The following SPAG16 variants were observed in gnomAD, a reference collection of about 807,000 sequenced individuals.
The protein encoded by SPAG16 is sperm associated antigen 16.
SPAG16 carries 86 observed loss-of-function variants against 80.4 expected under a neutral mutation model. That is an observed-to-expected ratio of 1.07 (90% CI 0.90 to 1.28). SPAG16 has a LOEUF of 1.28. SPAG16 is among the 50% of genes most tolerant of loss of function. The pLI, the probability that SPAG16 is intolerant of heterozygous loss-of-function variation, is 0.00. For missense variants in SPAG16, 870 were observed against 765.3 expected, an observed-to-expected ratio of 1.14 and a Z score of -1.61; for synonymous variants, 294 against 265.9, an observed-to-expected ratio of 1.11 and a Z score of -1.03.
At chr2:214,358,456 T>G (rs979420313) in intron 15 of SPAG16, among the ~76,000 whole-genome samples, 1 of 151,966 alleles carries the variant, frequency 6.6e-6, no homozygotes, top group Non-Finnish European at 1.5e-5. Flanking sequence ...TTAATGAATT[T>G]TAAAAGATTT....
At chr2:214,265,715 A>G (rs957974753) in intron 15 of SPAG16, among the ~76,000 whole-genome samples, 17 of 151,880 alleles carry the variant, frequency 1.1e-4, no homozygotes, top group African/African-American at 4.1e-4. Flanking sequence ...TATGTTCTAG[A>G]AGTTTTATAG....
chr2:213,329,645 G>T (rs1377795636), intron 5 of SPAG16, among the ~76,000 whole-genome samples: 1 of 152,154 alleles, frequency 6.6e-6, no homozygotes, highest in Admixed American at 6.5e-5. Context: ...TGATGATGTG[G>T]TAGAGAAGGA....
intron 15 of SPAG16, among the ~76,000 whole-genome samples, chr2:214,305,499 G>A (rs1694849668): frequency 1.3e-5 from 2 of 152,124 alleles, no homozygotes; most frequent in Admixed American, 6.5e-5. Context: ...GGATTTTATA[G>A]TTTTGGGTTT....
chr2:213,962,319 A>C (rs533994183), intron 12 of SPAG16, among the ~76,000 whole-genome samples: 15 of 135,906 alleles, frequency 1.1e-4, no homozygotes, highest in African/African-American at 3.5e-4. Context: ...CAGCCTCCTG[A>C]GTAGCTGGGA....
At chr2:213,549,955 T>C (rs1174619543) in intron 10 of SPAG16, among the ~76,000 whole-genome samples, 1 of 152,102 alleles carries the variant, frequency 6.6e-6, no homozygotes, top group African/African-American at 2.4e-5. Context: ...TTTTTTGTAA[T>C]AATTTAATTA....
intron 10 of SPAG16, among the ~76,000 whole-genome samples, chr2:213,842,513 A>T (rs1188044383): frequency 1.3e-5 from 2 of 152,108 alleles, no homozygotes; most frequent in East Asian, 1.9e-4. Flanking sequence ...TAAGAAGTGA[A>T]TTTTTTTAAA....
chr2:213,289,400 C>T (rs1308095856), intron 1 of SPAG16, among the ~76,000 whole-genome samples: 1 of 152,158 alleles, frequency 6.6e-6, no homozygotes, highest in Non-Finnish European at 1.5e-5. Context: ...CTATGTAGGA[C>T]AGGGGTGGCC....
chr2:213,373,894 A>G (rs1327732219), intron 8 of SPAG16, among the ~76,000 whole-genome samples: 1 of 152,154 alleles, frequency 6.6e-6, no homozygotes, highest in Non-Finnish European at 1.5e-5. Flanking sequence ...TCAGGTTGAC[A>G]CCCCTGGAAT....
intron 10 of SPAG16, among the ~76,000 whole-genome samples, chr2:213,692,987 T>C (rs2065009178): frequency 6.6e-6 from 1 of 152,180 alleles, no homozygotes; most frequent in South Asian, 2.1e-4. Flanking sequence ...TTCAGATAGA[T>C]TTCTTTTTGA....
intron 9 of SPAG16, among the ~76,000 whole-genome samples, chr2:213,476,150 T>A (rs1469786456): frequency 6.6e-6 from 1 of 152,184 alleles, no homozygotes; most frequent in Non-Finnish European, 1.5e-5. Flanking sequence ...TCTTTTTGGC[T>A]TGCAAAAACA....
At chr2:213,926,352 A>T (rs531148532) in intron 11 of SPAG16, among the ~76,000 whole-genome samples, 1 of 152,186 alleles carries the variant, frequency 6.6e-6, no homozygotes, top group African/African-American at 2.4e-5. Flanking sequence ...AGCAGTATGC[A>T]CTTTACCCAA....
chr2:213,301,655 GC>G (rs2062744661), intron 3 of SPAG16, among the ~76,000 whole-genome samples: 2 of 152,020 alleles, frequency 1.3e-5, no homozygotes, highest in Non-Finnish European at 2.9e-5. Flanking sequence ...CTGGTACTAT[GC>G]TTCCTTCTAT....
intron 10 of SPAG16, among the ~76,000 whole-genome samples, chr2:213,798,515 A>G (rs746029119): frequency 5.3e-5 from 8 of 152,102 alleles, no homozygotes; most frequent in African/African-American, 9.7e-5. Flanking sequence ...TTGGCCTCCC[A>G]GAATGTTGGT....
intron 13 of SPAG16, among the ~76,000 whole-genome samples, chr2:214,101,310 C>CGT (rs1559793544): frequency 2.0e-4 from 30 of 151,680 alleles, no homozygotes; most frequent in Non-Finnish European, 3.5e-4. Flanking sequence ...CATGTGTGTC[C>CGT]TGCTTCAGTT....
intron 9 of SPAG16, among the ~76,000 whole-genome samples, chr2:213,459,004 C>T (rs1399851794): frequency 6.6e-6 from 1 of 152,132 alleles, no homozygotes; most frequent in Non-Finnish European, 1.5e-5. Context: ...ATATTGCTTG[C>T]TTCTTCGTCA....
chr2:213,857,092 T>C (rs1323085882), intron 10 of SPAG16, among the ~76,000 whole-genome samples: 1 of 152,012 alleles, frequency 6.6e-6, no homozygotes, highest in African/African-American at 2.4e-5. Context: ...TAGCCAGGCA[T>C]GGTGGCGGGC....
At chr2:213,867,797 A>C (rs921217904) in intron 11 of SPAG16, among the ~76,000 whole-genome samples, 5 of 151,392 alleles carry the variant, frequency 3.3e-5, no homozygotes, top group Admixed American at 2.6e-4. Context: ...GGTGGCGGGC[A>C]CCTGTAGTCC....
At chr2:213,587,090 T>C (rs1365964894) in intron 10 of SPAG16, among the ~76,000 whole-genome samples, 2 of 152,190 alleles carry the variant, frequency 1.3e-5, no homozygotes. Context: ...GCGCTGGTGA[T>C]GATCAGTAGT....
intron 10 of SPAG16, among the ~76,000 whole-genome samples, chr2:213,833,425 C>G (rs190520048): frequency 0.011 from 550 of 48,310 alleles, 19 homozygotes; most frequent in Non-Finnish European, 0.014. Flanking sequence ...ATGTATGTAT[C>G]TATGTATGTG....
Sources: allele counts gnomAD v4.1 joint callset (sites outside exome capture counted in the v4.1 genomes callset), GRCh38; gene constraint gnomAD v4.1.1; transcripts MANE v1.5; gene names NCBI Gene and HGNC (gene_info 2026-07-23, HGNC 2026-07-21).